The following AK9 variants were observed in gnomAD, a reference collection of about 807,000 sequenced individuals.
The protein encoded by AK9 is adenylate kinase 9, also known as adenylate kinase domain containing 1.
In AK9, 191 loss-of-function variants were observed where a neutral mutation model predicts 239.6. That is an observed-to-expected ratio of 0.80 (90% CI 0.71 to 0.90). The LOEUF is 0.90. AK9 is among the 40% of genes least tolerant of loss of function. AK9 has a pLI of 0.00. For missense variants in AK9, 1,995 were observed against 2,214.7 expected, an observed-to-expected ratio of 0.90 and a Z score of 1.99; for synonymous variants, 689 against 721.0, an observed-to-expected ratio of 0.96 and a Z score of 0.71.
intron 8 of AK9, among the ~76,000 whole-genome samples, chr6:109,645,504 C>T (rs377756517): frequency 6.6e-6 from 1 of 152,202 alleles, no homozygotes; most frequent in Non-Finnish European, 1.5e-5. Context: ...CCAGGCTGGG[C>T]GAGGGGCATC....
chr6:109,569,981 G>A (rs558126029), intron 21 of AK9, among the ~76,000 whole-genome samples: 48 of 152,226 alleles, frequency 3.2e-4, no homozygotes, highest in African/African-American at 4.3e-4. Flanking sequence ...ACATGCACAC[G>A]TATGTTTATT....
chr6:109,516,146 T>G, intron 30 of AK9, 71 bp from the exon 31 acceptor site: 1 of 1,285,596 alleles, frequency 7.8e-7, no homozygotes, highest in South Asian at 1.4e-5. Context: ...TCACAGCATG[T>G]AGACACTGCT....
chr6:109,557,390 G>A (rs1227435725), intron 24 of AK9, among the ~76,000 whole-genome samples: 2 of 152,078 alleles, frequency 1.3e-5, no homozygotes, highest in African/African-American at 4.8e-5. Context: ...TTTTGACCTT[G>A]AGGAACACCA....
At chr6:109,558,846 C>T (rs147260512) in intron 24 of AK9, among the ~76,000 whole-genome samples, 1 of 146,122 alleles carries the variant, frequency 6.8e-6, no homozygotes, top group Admixed American at 7.2e-5. Flanking sequence ...AGTCTTCTGA[C>T]CTATGAACAT....
chr6:109,603,005 C>T (rs368295728), intron 17 of AK9, among the ~76,000 whole-genome samples: 32 of 152,262 alleles, frequency 2.1e-4, no homozygotes, highest in East Asian at 1.9e-3. Context: ...AGCTTCTTTG[C>T]GATGGGTTCG....
rs1295002995 is a variant in AK9 at position 109,573,526 on chromosome 6, G to A, written c.2260C>T (p.Pro754Ser). The change falls in exon 21 of 41, where the codon CCT becomes TCT. Residue 754 changes from proline to serine, a missense_variant. This residue lies in a region of AK9 where 1,290 missense variants were observed against 1,392.7 expected (regional missense o/e 0.93). Transcript: ENST00000424296. ...EGDELEVHEE[P>S]EASHDTRGSW... ...CCTCGGGTATCGTGAGATGCCTCAG[G>A]CTCTTCGTGAACTTCCAACTCATCA... 1.3e-6 allele frequency: 2 copies of A among 1,551,130 alleles called. No individual in the cohort carries two copies.
intron 8 of AK9, among the ~76,000 whole-genome samples, chr6:109,651,696 G>C (rs1185936057): frequency 6.6e-6 from 1 of 151,972 alleles, no homozygotes; most frequent in African/African-American, 2.4e-5. Context: ...GAAGAAAAGA[G>C]AGAAAAATCA....
intron 13 of AK9, among the ~76,000 whole-genome samples, 162 bp from the exon 14 acceptor site, chr6:109,614,642 TG>T (rs1173727872): frequency 2.6e-5 from 4 of 152,192 alleles, no homozygotes; most frequent in African/African-American, 9.6e-5. Context: ...TTGATCTTTT[TG>T]TCTCAATTTC....
intron 23 of AK9, 126 bp downstream of exon 23, chr6:109,563,954 T>C (rs2128183604): frequency 9.0e-7 from 1 of 1,107,500 alleles, no homozygotes; most frequent in East Asian, 2.6e-5. Flanking sequence ...CTAAGTATTT[T>C]ATACATCAGC....
intron 17 of AK9, among the ~76,000 whole-genome samples, chr6:109,598,365 T>C (rs1791370477): frequency 6.6e-6 from 1 of 152,148 alleles, no homozygotes; most frequent in Non-Finnish European, 1.5e-5. Flanking sequence ...AGAATGATGG[T>C]TTCCAGCTTC....
At position 109,672,014 on chromosome 6, in the gene AK9, A is replaced by C. The variant is rs374682216; in HGVS notation, c.236T>G (p.Leu79Trp). The C allele has an allele frequency of 1.8e-5, 29 of 1,613,938 alleles. No individual in the cohort carries two copies. Among genetic ancestry groups the C allele is most frequent in the South Asian group, 1.8e-4 (16 of 91,070 alleles). ...IAAETESGVM[L>W]QSMLISGQSI... ...TTGACCGCTGATCAACATTGATTGC[A>C]ACTAAGGACAAGCATAGATATTGTA... Residue 79 changes from leucine (L) to tryptophan (W), a missense_variant and splice_region_variant, in exon 5 of 41, where the codon TTG becomes TGG. Around this residue, in one of 5 missense-constraint regions of AK9, gnomAD observed 252 missense variants for 246.4 expected, o/e 1.02. Coordinates refer to ENST00000424296, the MANE Select transcript of AK9 (RefSeq NM_001145128.3).
At chr6:109,554,889 T>G (rs775518918) in intron 24 of AK9, among the ~76,000 whole-genome samples, 1 of 152,136 alleles carries the variant, frequency 6.6e-6, no homozygotes. Context: ...TTTGTTATTG[T>G]GTCTGTTTGA....
chr6:109,575,914 A>AG (rs1167402255), intron 20 of AK9, among the ~76,000 whole-genome samples: 1 of 152,134 alleles, frequency 6.6e-6, no homozygotes. Flanking sequence ...TTTGTTGAAT[A>AG]GGGTGTCCTT....
chr6:109,627,334 G>A (rs1020781999), intron 12 of AK9, among the ~76,000 whole-genome samples: 1 of 151,896 alleles, frequency 6.6e-6, no homozygotes, highest in Admixed American at 6.6e-5. Context: ...TACAGTTAAC[G>A]TTTTCTACAA....
chr6:109,625,709 T>A (rs975791669), intron 12 of AK9, among the ~76,000 whole-genome samples: 19 of 152,326 alleles, frequency 1.2e-4, no homozygotes, highest in African/African-American at 4.6e-4. Context: ...AAAACTGTCT[T>A]CCATAAAACC....
chr6:109,538,783 C>T (rs1405579968), intron 27 of AK9, among the ~76,000 whole-genome samples: 2 of 152,066 alleles, frequency 1.3e-5, no homozygotes, highest in South Asian at 2.1e-4. Context: ...TTCAGGAGCT[C>T]TTGTAGGGCA....
rs1349956970 is a variant in AK9, at chr6:109,672,021, G to A, written c.235-6C>T. 1 of 1,613,470 alleles carries A rather than the reference G, an allele frequency of 6.2e-7. No individual in the cohort carries two copies. Among genetic ancestry groups the A allele is most frequent in the African/African-American group, 1.3e-5 (1 of 74,872 alleles). On this transcript the variant is annotated splice_region_variant and splice_polypyrimidine_tract_variant and intron_variant, in intron 4 of 40. Coordinates refer to ENST00000424296, the MANE Select transcript of AK9 (RefSeq NM_001145128.3). ...CTGATCAACATTGATTGCAACTAAG[G>A]ACAAGCATAGATATTGTACATTACT...
In AK9 at chr6:109,515,843, T is replaced by C. The variant is rs1301250267; in HGVS notation, c.4065+14A>G. ...ATAAGGAACATGGCTTTCAGGTGCG[T>C]TTGCTGAAATTACCTTTACAGGGTC... On this transcript the variant is annotated intron_variant, in intron 31 of 40. Transcript: ENST00000424296. The C allele has an allele frequency of 1.3e-6, 2 of 1,531,798 alleles. No individual in the cohort carries two copies. Among genetic ancestry groups the C allele is most frequent in the African/African-American group, 2.8e-5 (2 of 72,466 alleles). The allele number at this position is 1,531,798 out of a possible 1,614,324, so 94.9% of individuals were successfully genotyped here.
chr6:109,564,342 T>G (rs1562415578), intron 22 of AK9, 62 bp from the exon 23 acceptor site: 8 of 1,346,556 alleles, frequency 5.9e-6, no homozygotes, highest in Non-Finnish European at 8.0e-6. Context: ...TTTAGCCATA[T>G]TGCCAAAATA....
Sources: gnomAD v4.1 joint callset for allele counts (sites outside exome capture counted in the v4.1 genomes callset) on GRCh38, gnomAD v4.1.1 for gene constraint, gnomAD v4.1.1 regional missense constraint, MANE v1.5 for transcripts, NCBI Gene and HGNC (gene_info 2026-07-23, HGNC 2026-07-21) for gene names.